PXDNL: variants seen among roughly 807,000 people sequenced by gnomAD.
PXDNL encodes peroxidasin like.
Under a neutral mutation model 150.8 loss-of-function variants are expected in PXDNL, and 145 were observed. The ratio of observed to expected loss-of-function variants is 0.96; its 90% CI spans 0.84 to 1.10. The LOEUF is 1.10. Among genes scored for constraint, PXDNL ranks in the 50% least tolerant of loss-of-function variants. PXDNL has a pLI of 0.00. For missense variants in PXDNL, 2,087 were observed against 1,873.9 expected (o/e 1.11, Z -2.10); for synonymous variants, 757 against 725.7 (o/e 1.04, Z -0.69).
At chr8:51,785,300 G>A (rs1250863250) in intron 1 of PXDNL, among the ~76,000 whole-genome samples, 3 of 152,056 alleles carry the variant, frequency 2.0e-5, no homozygotes, top group African/African-American at 7.2e-5. Context: ...AATGCCTGAG[G>A]ACATGCACAT....
intron 2 of PXDNL, among the ~76,000 whole-genome samples, chr8:51,651,258 A>G (rs775072573): frequency 1.3e-5 from 2 of 152,226 alleles, no homozygotes; most frequent in Non-Finnish European, 2.9e-5. Context: ...CGATTCGGCC[A>G]AATTAGAATA....
chr8:51,436,387 C>T (rs958837150), intron 12 of PXDNL: 2 of 421,428 alleles, frequency 4.7e-6, no homozygotes, highest in South Asian at 1.9e-5. Context: ...CTACCAGGCA[C>T]CAAAAATGCA....
intron 19 of PXDNL, among the ~76,000 whole-genome samples, chr8:51,357,841 C>T (rs1330104410): frequency 2.0e-5 from 3 of 152,124 alleles, no homozygotes; most frequent in African/African-American, 4.8e-5. Flanking sequence ...ATATCCACAA[C>T]ATACCTTTAA....
intron 17 of PXDNL, among the ~76,000 whole-genome samples, chr8:51,407,703 C>T (rs947649799): frequency 1.3e-5 from 2 of 152,168 alleles, no homozygotes; most frequent in African/African-American, 4.8e-5. Context: ...CCTATGTGAT[C>T]GGCCAGTTTA....
At chr8:51,725,110 C>T (rs1272731650) in intron 1 of PXDNL, among the ~76,000 whole-genome samples, 1 of 152,042 alleles carries the variant, frequency 6.6e-6, no homozygotes, top group Non-Finnish European at 1.5e-5. Flanking sequence ...TGGGTATTTG[C>T]TGTCTTTTCT....
At chr8:51,409,765 C>T (rs1204944106) in intron 16 of PXDNL, among the ~76,000 whole-genome samples, 1 of 151,950 alleles carries the variant, frequency 6.6e-6, no homozygotes, top group Non-Finnish European at 1.5e-5. Context: ...CAGAAGATCC[C>T]GGGATTACTT....
intron 1 of PXDNL, among the ~76,000 whole-genome samples, chr8:51,728,802 T>G (rs78543444): frequency 6.6e-6 from 1 of 152,158 alleles, no homozygotes; most frequent in African/African-American, 2.4e-5. Context: ...TTTATAAATT[T>G]AGTGTAGCCT....
At chr8:51,379,028 C>T (rs1480357830) in intron 17 of PXDNL, among the ~76,000 whole-genome samples, 1 of 152,162 alleles carries the variant, frequency 6.6e-6, no homozygotes, top group Non-Finnish European at 1.5e-5. Context: ...GCTCCTCTTG[C>T]CACAGCGCTA....
chr8:51,479,737 G>A (rs1303414254), intron 6 of PXDNL, among the ~76,000 whole-genome samples: 2 of 152,156 alleles, frequency 1.3e-5, no homozygotes, highest in South Asian at 2.1e-4. Flanking sequence ...GTGGGAGTGA[G>A]GGATGAGAAA....
At chr8:51,352,049 T>G (rs1164805782) in intron 19 of PXDNL, among the ~76,000 whole-genome samples, 1 of 152,040 alleles carries the variant, frequency 6.6e-6, no homozygotes, top group Non-Finnish European at 1.5e-5. Context: ...AGGGATGACA[T>G]GAGGGCGTGA....
chr8:51,701,238 A>G (rs1050662938), intron 1 of PXDNL, among the ~76,000 whole-genome samples: 2 of 152,128 alleles, frequency 1.3e-5, no homozygotes, highest in Non-Finnish European at 2.9e-5. Context: ...TATTTTTTCA[A>G]TAATATTATA....
intron 8 of PXDNL, among the ~76,000 whole-genome samples, chr8:51,463,980 T>G (rs1419746433): frequency 6.7e-6 from 1 of 149,042 alleles, no homozygotes; most frequent in Non-Finnish European, 1.5e-5. Flanking sequence ...AAAGCCTACA[T>G]GAAGTTAAGA....
intron 4 of PXDNL, among the ~76,000 whole-genome samples, chr8:51,546,256 A>G (rs1380239033): frequency 6.6e-6 from 1 of 152,224 alleles, no homozygotes; most frequent in East Asian, 1.9e-4. Context: ...TCCAGATCAC[A>G]AGGGAAGGAT....
chr8:51,542,732 C>T (rs1812247976), intron 4 of PXDNL, among the ~76,000 whole-genome samples: 1 of 151,738 alleles, frequency 6.6e-6, no homozygotes, highest in African/African-American at 2.4e-5. Context: ...ATCACTTGAA[C>T]CCAGAAGGCA....
In PXDNL at chr8:51,773,758, C is replaced by T. The variant is rs531753113; in HGVS notation, c.164+35423G>A. On this transcript the variant is annotated intron_variant, in intron 1 of 22. Coordinates refer to ENST00000356297, the MANE Select transcript of PXDNL (RefSeq NM_144651.5). ...AAGAAACAATGTTTTCAAACTTTCA[C>T]ATTGAAAAGTCCTTCCTTAATTAAG... Among the ~76,000 whole-genome samples, 7 of 152,344 alleles carry T rather than the reference C, an allele frequency of 4.6e-5. No individual in the cohort carries two copies. The South Asian group carries it at 1.4e-3, about 32-fold the overall frequency.
chr8:51,476,005 G>C (rs1404436300), intron 6 of PXDNL, among the ~76,000 whole-genome samples: 1 of 152,156 alleles, frequency 6.6e-6, no homozygotes, highest in Non-Finnish European at 1.5e-5. Flanking sequence ...GCTGAGGTGG[G>C]AGAATCACTT....
At chr8:51,554,325 G>A (rs1169768591) in intron 4 of PXDNL, among the ~76,000 whole-genome samples, 1 of 152,102 alleles carries the variant, frequency 6.6e-6, no homozygotes, top group Non-Finnish European at 1.5e-5. Flanking sequence ...GCTCTCTTGA[G>A]GCTGCCTCAA....
At chr8:51,404,284 C>G (rs1036667346) in intron 17 of PXDNL, among the ~76,000 whole-genome samples, 2 of 152,226 alleles carry the variant, frequency 1.3e-5, no homozygotes, top group African/African-American at 4.8e-5. Flanking sequence ...CTTTTATTCC[C>G]TTATCTGGCT....
intron 1 of PXDNL, among the ~76,000 whole-genome samples, chr8:51,673,705 T>C (rs959064438): frequency 8.5e-5 from 13 of 152,200 alleles, no homozygotes; most frequent in Non-Finnish European, 5.9e-5. Context: ...AAAGAATCTA[T>C]AATCCCTTAA....
Sources: allele counts gnomAD v4.1 joint callset (sites outside exome capture counted in the v4.1 genomes callset), GRCh38; gene constraint gnomAD v4.1.1; transcripts MANE v1.5; gene names NCBI Gene and HGNC (gene_info 2026-07-23, HGNC 2026-07-21).